Variants in CNTN4 observed in about 807,000 individuals in gnomAD.
CNTN4 encodes the protein contactin-4.
Under a neutral mutation model 122.5 loss-of-function variants are expected in CNTN4, and 77 were observed. The observed-to-expected ratio is 0.63, with a 90% confidence interval of 0.52 to 0.76. The LOEUF (loss-of-function observed/expected upper bound fraction) is 0.76, where lower values mean the gene tolerates loss of function less well. Among genes scored for constraint, CNTN4 ranks in the 30% least tolerant of loss-of-function variants. The pLI, the probability that CNTN4 is intolerant of heterozygous loss-of-function variation, is 0.00. For synonymous variants in CNTN4, 512 were observed against 447.0 expected (o/e 1.15, Z -1.83); for missense variants, 1,256 against 1,259.1 (o/e 1.00, Z 0.04).
At chr3:2,786,378 C>G (rs909811092) in intron 6 of CNTN4, among the ~76,000 whole-genome samples, 1 of 152,192 alleles carries the variant, frequency 6.6e-6, no homozygotes, top group African/African-American at 2.4e-5. Context: ...GATGCTACAG[C>G]GGTTCTGCAC....
intron 2 of CNTN4, among the ~76,000 whole-genome samples, chr3:2,305,660 A>G (rs944260314): frequency 2.0e-5 from 3 of 152,158 alleles, no homozygotes; most frequent in Admixed American, 6.5e-5. Flanking sequence ...TATGATAAAC[A>G]TAACCTTTTT....
At chr3:2,311,428 TAAAG>T (rs955504687) in intron 2 of CNTN4, among the ~76,000 whole-genome samples, 3 of 152,144 alleles carry the variant, frequency 2.0e-5, no homozygotes, top group Admixed American at 1.3e-4. Flanking sequence ...ACAAGAAGCA[TAAAG>T]AAACCTTCCA....
At chr3:2,812,594 G>A (rs1317559797) in intron 6 of CNTN4, among the ~76,000 whole-genome samples, 4 of 151,644 alleles carry the variant, frequency 2.6e-5, no homozygotes, top group South Asian at 2.1e-4. Context: ...TTTTGCCACA[G>A]TAGTGTTGAC....
At chr3:2,365,558 G>A (rs193297478) in intron 3 of CNTN4, among the ~76,000 whole-genome samples, 1 of 152,278 alleles carries the variant, frequency 6.6e-6, no homozygotes, top group East Asian at 1.9e-4. Flanking sequence ...GAAAAAGTGG[G>A]AGAAAGAGAC....
chr3:2,683,383 G>A (rs752656549), intron 4 of CNTN4, among the ~76,000 whole-genome samples: 7 of 151,678 alleles, frequency 4.6e-5, no homozygotes, highest in South Asian at 2.1e-4. Context: ...AGCTTTTATC[G>A]AAAGTTTTGT....
chr3:2,510,886 C>G (rs942332739), intron 3 of CNTN4, among the ~76,000 whole-genome samples: 3 of 152,058 alleles, frequency 2.0e-5, no homozygotes, highest in Non-Finnish European at 1.5e-5. Flanking sequence ...TCACCAGTTC[C>G]TTTTAGAATA....
rs573207449 is a variant in CNTN4 at position 2,730,121 on chromosome 3, T to G, written c.56-6094T>G. On this transcript the variant is annotated intron_variant, in intron 4 of 24. Transcript: ENST00000418658. ...AGACTGGAGGTGTTTCAGACTTTGG[T>G]TTTTTGTGGGGGGTGGCAGTGGATT... 6.6e-5 allele frequency among the ~76,000 whole-genome samples: 10 copies of G among 152,218 alleles called. 2 individuals are homozygous for G. Among genetic ancestry groups the G allele is most frequent in the South Asian group, 4.1e-4 (2 of 4,826 alleles).
chr3:2,435,644 A>T (rs1559550926), intron 3 of CNTN4, among the ~76,000 whole-genome samples: 1 of 152,124 alleles, frequency 6.6e-6, no homozygotes, highest in Non-Finnish European at 1.5e-5. Context: ...TCTCCCAAAA[A>T]ATGCTAATGC....
intron 3 of CNTN4, among the ~76,000 whole-genome samples, chr3:2,396,196 T>C (rs574426219): frequency 6.6e-6 from 1 of 152,204 alleles, no homozygotes; most frequent in South Asian, 2.1e-4. Flanking sequence ...TGCTAATTTT[T>C]TGTATTTTTG....
At chr3:2,332,083 G>T (rs1575395025) in intron 2 of CNTN4, among the ~76,000 whole-genome samples, 1 of 152,214 alleles carries the variant, frequency 6.6e-6, no homozygotes, top group Non-Finnish European at 1.5e-5. Flanking sequence ...AGTCGATAGG[G>T]GTTCAGCGTG....
At chr3:2,352,541 C>T (rs537400620) in intron 3 of CNTN4, among the ~76,000 whole-genome samples, 101 of 152,316 alleles carry the variant, frequency 6.6e-4, no homozygotes, top group Non-Finnish European at 9.7e-4. Flanking sequence ...CCTGGGCCAA[C>T]GGGCGGAGGG....
chr3:2,672,884 G>C (rs1188288440), intron 4 of CNTN4, among the ~76,000 whole-genome samples: 1 of 152,190 alleles, frequency 6.6e-6, no homozygotes, highest in East Asian at 1.9e-4. Context: ...AGGCCCTGGG[G>C]ATTAAGAATC....
intron 3 of CNTN4, among the ~76,000 whole-genome samples, chr3:2,406,500 G>A (rs1038467627): frequency 1.3e-5 from 2 of 152,210 alleles, no homozygotes; most frequent in African/African-American, 4.8e-5. Context: ...TTTATAGTTT[G>A]TTCCCTGTTT....
chr3:2,464,143 C>T (rs1474422096), intron 3 of CNTN4, among the ~76,000 whole-genome samples: 1 of 152,126 alleles, frequency 6.6e-6, no homozygotes, highest in Non-Finnish European at 1.5e-5. Context: ...TTCATTTGTC[C>T]TCTGCTCTAT....
At chr3:3,033,998 C>T (rs1222529960) in intron 16 of CNTN4, among the ~76,000 whole-genome samples, 7 of 152,274 alleles carry the variant, frequency 4.6e-5, no homozygotes, top group South Asian at 2.1e-4. Flanking sequence ...AAGAAGGGAG[C>T]GCCTTGACTC....
intron 4 of CNTN4, among the ~76,000 whole-genome samples, chr3:2,593,703 G>T (rs1338556847): frequency 1.3e-5 from 2 of 151,106 alleles, no homozygotes; most frequent in African/African-American, 4.9e-5. Context: ...GAATGTATAT[G>T]TTGATGGATT....
At chr3:2,891,936 G>A (rs1292453982) in intron 10 of CNTN4, among the ~76,000 whole-genome samples, 4 of 152,198 alleles carry the variant, frequency 2.6e-5, no homozygotes, top group Non-Finnish European at 4.4e-5. Flanking sequence ...CCAATATCCA[G>A]GTGAGAGACA....
intron 3 of CNTN4, among the ~76,000 whole-genome samples, chr3:2,395,149 G>A (rs1294077768): frequency 6.6e-6 from 1 of 152,140 alleles, no homozygotes; most frequent in South Asian, 2.1e-4. Context: ...TCATCAGTAG[G>A]AGAATACATA....
chr3:3,052,300 A>T (rs1701347313), intron 23 of CNTN4, among the ~76,000 whole-genome samples: 1 of 152,180 alleles, frequency 6.6e-6, no homozygotes, highest in South Asian at 2.1e-4. Flanking sequence ...TAGACTGTTC[A>T]GCAGCATCCC....
Sources: allele counts gnomAD v4.1 joint callset (sites outside exome capture counted in the v4.1 genomes callset), GRCh38; gene constraint gnomAD v4.1.1; transcripts MANE v1.5; gene names NCBI Gene and HGNC (gene_info 2026-07-23, HGNC 2026-07-21).